KAT6B: variants seen among roughly 807,000 people sequenced by gnomAD.
KAT6B encodes lysine acetyltransferase 6B.
KAT6B carries 10 observed loss-of-function variants against 187.5 expected under a neutral mutation model. That is an observed-to-expected ratio of 0.05 (90% CI 0.03 to 0.09). The LOEUF is 0.09. KAT6B is among the 10% of genes least tolerant of loss of function. The pLI, the probability that KAT6B is intolerant of heterozygous loss-of-function variation, is 1.00. For missense variants in KAT6B, 1,952 were observed against 2,558.9 expected (o/e 0.76, Z 5.12); for synonymous variants, 861 against 926.8 (o/e 0.93, Z 1.29).
intron 2 of KAT6B, among the ~76,000 whole-genome samples, 184 bp downstream of exon 2, chr10:74,838,936 C>G (rs1321027341): frequency 6.6e-6 from 1 of 152,054 alleles, no homozygotes; most frequent in Admixed American, 6.6e-5. Flanking sequence ...GGGCGGATCA[C>G]GAGATCAGGA....
intron 3 of KAT6B, among the ~76,000 whole-genome samples, chr10:74,873,148 G>T (rs1040124154): frequency 1.3e-5 from 2 of 152,028 alleles, no homozygotes; most frequent in Non-Finnish European, 2.9e-5. Context: ...TTTTCTATAG[G>T]TTTGAAATTT....
intron 3 of KAT6B, among the ~76,000 whole-genome samples, chr10:74,947,412 AT>A (rs1462314060): frequency 6.6e-6 from 1 of 152,246 alleles, no homozygotes; most frequent in Non-Finnish European, 1.5e-5. Context: ...TTCTATTATT[AT>A]TTATTTACCA....
At chr10:74,998,531 G>A (rs560992256) in intron 13 of KAT6B, among the ~76,000 whole-genome samples, 3 of 152,210 alleles carry the variant, frequency 2.0e-5, no homozygotes, top group Admixed American at 1.3e-4. Flanking sequence ...TTTACAACAG[G>A]TAAAAAACTA....
chr10:74,829,521 C>G (rs1236761305), intron 1 of KAT6B, among the ~76,000 whole-genome samples: 1 of 151,128 alleles, frequency 6.6e-6, no homozygotes, highest in Non-Finnish European at 1.5e-5. Flanking sequence ...GGCACGATCT[C>G]GGCTCACTGC....
At chr10:74,880,624 G>A (rs1329840437) in intron 3 of KAT6B, among the ~76,000 whole-genome samples, 4 of 151,284 alleles carry the variant, frequency 2.6e-5, no homozygotes, top group Admixed American at 6.6e-5. Context: ...TCTTACTGAT[G>A]TTTTTTTTTG....
chr10:74,979,184 G>T lies in KAT6B; in HGVS notation c.2116-40G>T, dbSNP rs373971026. On this transcript the variant is annotated intron_variant, in intron 9 of 17. Coordinates refer to ENST00000287239, the MANE Select transcript of KAT6B (RefSeq NM_012330.4). ...GTGAAAGAACCAAAATGTAAGTGAA[G>T]TATATATATTATTATTTTCCTTTTC... 1.2e-5 allele frequency: 16 copies of T among 1,383,612 alleles called. No homozygotes were observed. In the African/African-American group the frequency reaches 2.3e-4, roughly 20 times the overall value. 85.7% of individuals were successfully genotyped at this position (1,383,612 alleles called of 1,614,324 possible). A position where few individuals can be genotyped will look rare whatever the true frequency, so the allele number is the denominator to read the frequency against.
intron 1 of KAT6B, among the ~76,000 whole-genome samples, chr10:74,833,976 G>T (rs887729828): frequency 3.9e-5 from 6 of 152,220 alleles, no homozygotes; most frequent in African/African-American, 1.4e-4. Context: ...ATTGATGTTT[G>T]CAGAGATGAA....
intron 3 of KAT6B, among the ~76,000 whole-genome samples, chr10:74,860,035 A>T (rs190472985): frequency 2.3e-3 from 348 of 152,268 alleles, no homozygotes; most frequent in Middle Eastern, 6.8e-3. Flanking sequence ...ACACTTTTTC[A>T]GTTGTTTTTT....
At chr10:74,954,517 G>A (rs2133440962) in intron 3 of KAT6B, among the ~76,000 whole-genome samples, 1 of 152,214 alleles carries the variant, frequency 6.6e-6, no homozygotes, top group South Asian at 2.1e-4. Context: ...CTGGACAGCT[G>A]TTGGAAAGGC....
intron 15 of KAT6B, 29 bp downstream of exon 15, chr10:75,021,314 G>A (rs1564625480): frequency 1.1e-5 from 17 of 1,610,460 alleles, no homozygotes; most frequent in Non-Finnish European, 1.4e-5. Flanking sequence ...ATCCTAAGTT[G>A]TGTAACTTCA....
intron 8 of KAT6B, 112 bp from the exon 9 acceptor site, chr10:74,977,204 A>G (rs1842214206): frequency 3.6e-6 from 4 of 1,122,860 alleles, no homozygotes; most frequent in Non-Finnish European, 3.9e-6. Flanking sequence ...ATAAAGCTTT[A>G]AAAAAAATCC....
At chr10:75,001,281 G>A (rs1370036995) in intron 13 of KAT6B, among the ~76,000 whole-genome samples, 2 of 152,092 alleles carry the variant, frequency 1.3e-5, no homozygotes, top group South Asian at 2.1e-4. Flanking sequence ...AGATCCCCGG[G>A]CTTGTTTCTC....
intron 16 of KAT6B, 47 bp downstream of exon 16, chr10:75,022,278 T>C: frequency 1.3e-6 from 2 of 1,599,276 alleles, no homozygotes; most frequent in Non-Finnish European, 1.7e-6. Flanking sequence ...AATCAAATCT[T>C]ATTTGTCATT....
intron 4 of KAT6B, among the ~76,000 whole-genome samples, chr10:74,962,005 A>C (rs1337103679): frequency 6.6e-6 from 1 of 152,080 alleles, no homozygotes; most frequent in Non-Finnish European, 1.5e-5. Flanking sequence ...TGGGGTCACC[A>C]TGTCTCTTTG....
intron 4 of KAT6B, 49 bp downstream of exon 4, chr10:74,960,127 A>T (rs774731377): frequency 9.0e-7 from 1 of 1,112,072 alleles, no homozygotes; most frequent in African/African-American, 1.5e-5. Context: ...CCATTATCAT[A>T]GCTTCATGCT....
intron 13 of KAT6B, among the ~76,000 whole-genome samples, chr10:75,013,043 T>A (rs1163562273): frequency 6.6e-6 from 1 of 152,074 alleles, no homozygotes; most frequent in Non-Finnish European, 1.5e-5. Flanking sequence ...AACAGGCTGG[T>A]ATGTGACCCA....
intron 12 of KAT6B, among the ~76,000 whole-genome samples, chr10:74,985,692 A>G (rs139713091): frequency 8.8e-4 from 134 of 152,294 alleles, no homozygotes; most frequent in African/African-American, 3.2e-3. Flanking sequence ...CTGGTTTTAC[A>G]CTTTTGTCTC....
intron 3 of KAT6B, among the ~76,000 whole-genome samples, chr10:74,950,417 G>C (rs1840239641): frequency 6.6e-6 from 1 of 152,178 alleles, no homozygotes; most frequent in South Asian, 2.1e-4. Context: ...TGTTACTGCA[G>C]ATGCAGACGG....
intron 3 of KAT6B, among the ~76,000 whole-genome samples, chr10:74,958,839 A>T (rs923424344): frequency 4.6e-5 from 7 of 152,018 alleles, no homozygotes; most frequent in African/African-American, 1.7e-4. Flanking sequence ...GAAGATCGAG[A>T]CCATCCTGAC....
Sources: allele counts gnomAD v4.1 joint callset (sites outside exome capture counted in the v4.1 genomes callset), GRCh38; gene constraint gnomAD v4.1.1; transcripts MANE v1.5; gene names NCBI Gene and HGNC (gene_info 2026-07-23, HGNC 2026-07-21).